The following HMCN1 variants were observed in gnomAD, a reference collection of about 807,000 sequenced individuals.
HMCN1 encodes the protein hemicentin-1.
HMCN1 carries 321 observed loss-of-function variants against 625.9 expected under a neutral mutation model. That is an observed-to-expected ratio of 0.51 (90% CI 0.47 to 0.56). The LOEUF (loss-of-function observed/expected upper bound fraction) is 0.56. Ranked by LOEUF, HMCN1 falls within the 20% of genes least tolerant of loss-of-function variation. The pLI is 0.00. For synonymous variants in HMCN1, 2,425 were observed against 2,417.6 expected, an observed-to-expected ratio of 1.00 and a Z score of -0.09; for missense variants, 6,588 against 6,887.3, an observed-to-expected ratio of 0.96 and a Z score of 1.54.
At chr1:186,016,263 G>T (rs1654362912) in intron 32 of HMCN1, 24 bp downstream of exon 32, 1 of 1,605,574 alleles carries the variant, frequency 6.2e-7, no homozygotes, top group South Asian at 1.1e-5. Flanking sequence ...CCACTGCCTG[G>T]GTTCTCAGAT....
chr1:185,798,185 T>C (rs946045957), intron 1 of HMCN1, among the ~76,000 whole-genome samples: 4 of 152,112 alleles, frequency 2.6e-5, no homozygotes, highest in African/African-American at 9.7e-5. Context: ...GAATGCAACA[T>C]TCATGGTGGA....
intron 14 of HMCN1, among the ~76,000 whole-genome samples, chr1:185,969,739 CCAGTACTATGTA>C (rs1310684239): frequency 3.9e-5 from 6 of 152,150 alleles, no homozygotes; most frequent in Admixed American, 6.6e-5. Context: ...CATTAAACAT[CCAGTACTATGTA>C]CAGTACTATG....
rs531412739 is a variant in HMCN1, at chr1:186,039,379, C to T, written c.6029-349C>T. Among the ~76,000 whole-genome samples the T allele has an allele frequency of 2.2e-4, 33 of 152,006 alleles. No homozygotes were observed. The South Asian group carries it at 6.8e-3, about 32-fold the overall frequency. On this transcript the variant is annotated intron_variant, in intron 38 of 106. Transcript: ENST00000271588. Reference sequence around the variant, plus strand: ...GGTAGTTAACATACTACAGTGGATGCAGTGAAGGGGGTACACACTTGTGTT... The same window carrying T: ...GGTAGTTAACATACTACAGTGGATGTAGTGAAGGGGGTACACACTTGTGTT...
chr1:186,019,830 T>G (rs1263733807), intron 35 of HMCN1, 135 bp downstream of exon 35: 2 of 652,756 alleles, frequency 3.1e-6, no homozygotes. Context: ...ATAATATGCA[T>G]TTTTCTTAGA....
In HMCN1 at chr1:185,982,341, A is replaced by G; in HGVS notation, c.2742A>G (p.Leu914=). 6.2e-7 allele frequency: 1 copy of G among 1,613,680 alleles called. No homozygotes were observed. Among genetic ancestry groups the G allele is most frequent in the Non-Finnish European group, 8.5e-7 (1 of 1,179,608 alleles). Residue 914 remains leucine, a synonymous_variant, in exon 18 of 107, where the codon TTA becomes TTG. Transcript: ENST00000271588. ...AGCTTACTTTGCCCTGTACTCTGTT[A>G]GCTGGAAATCCCATTCCAGAACGTC... ...GQQLTLPCTL[L]AGNPIPERRW... is the part of the protein sequence containing the mutation.
intron 19 of HMCN1, among the ~76,000 whole-genome samples, chr1:185,986,079 T>A (rs1386960494): frequency 6.6e-6 from 1 of 152,236 alleles, no homozygotes; most frequent in East Asian, 1.9e-4. Context: ...AGTTGAAAGA[T>A]GAATATTCCA....
intron 11 of HMCN1, among the ~76,000 whole-genome samples, chr1:185,958,559 C>T (rs527632307): frequency 7.2e-5 from 11 of 152,256 alleles, no homozygotes; most frequent in East Asian, 1.9e-4. Flanking sequence ...CTTTGTCACA[C>T]GTTGCTATAT....
chr1:185,822,939 G>A (rs979676390), intron 1 of HMCN1, among the ~76,000 whole-genome samples: 5 of 151,966 alleles, frequency 3.3e-5, no homozygotes, highest in Admixed American at 3.3e-4. Flanking sequence ...AACAAAATTA[G>A]CAAAATTTGA....
At chr1:185,758,163 A>C (rs1167145954) in intron 1 of HMCN1, among the ~76,000 whole-genome samples, 1 of 152,226 alleles carries the variant, frequency 6.6e-6, no homozygotes, top group Non-Finnish European at 1.5e-5. Flanking sequence ...TGTCTTCAAC[A>C]TGCCCATGCC....
At chr1:186,167,334 A>AT (rs1651941200) in intron 100 of HMCN1, among the ~76,000 whole-genome samples, 1 of 152,168 alleles carries the variant, frequency 6.6e-6, no homozygotes, top group African/African-American at 2.4e-5. Context: ...TTAATAGGCT[A>AT]TTTTTTAGAA....
At chr1:185,948,174 A>C (rs1412710255) in intron 11 of HMCN1, among the ~76,000 whole-genome samples, 2 of 152,212 alleles carry the variant, frequency 1.3e-5, no homozygotes, top group African/African-American at 2.4e-5. Flanking sequence ...TATACAACTC[A>C]ATAGAAATTA....
intron 103 of HMCN1, among the ~76,000 whole-genome samples, chr1:186,177,904 A>C (rs2102653579): frequency 6.6e-6 from 1 of 152,226 alleles, no homozygotes; most frequent in South Asian, 2.1e-4. Context: ...TTCCAGAGGA[A>C]GATACACAAA....
chr1:186,119,635 C>T, intron 78 of HMCN1, 110 bp from the exon 79 acceptor site: 1 of 1,118,858 alleles, frequency 8.9e-7, no homozygotes, highest in Non-Finnish European at 1.3e-6. Flanking sequence ...GCAATCAAAT[C>T]ACTAATATTT....
intron 1 of HMCN1, among the ~76,000 whole-genome samples, chr1:185,765,377 CAT>C (rs1007923457): frequency 1.3e-5 from 2 of 152,124 alleles, no homozygotes; most frequent in African/African-American, 4.8e-5. Flanking sequence ...CCAAATTAGA[CAT>C]ATACAAATAA....
intron 1 of HMCN1, among the ~76,000 whole-genome samples, chr1:185,783,486 T>A (rs1265075346): frequency 6.6e-6 from 1 of 152,154 alleles, no homozygotes; most frequent in African/African-American, 2.4e-5. Flanking sequence ...TTATCTACCT[T>A]TGGTCTTTGA....
chr1:186,106,893 A>G lies in HMCN1; in HGVS notation c.10780A>G (p.Thr3594Ala). ...TATTTGGGTTTTGTAGGTGGAGGAT[A>G]CAGGAAGATATACATGTCTGGCATC... Reference protein sequence around the residue: ...LRISTAQVEDTGRYTCLASSP... With the variant: ...LRISTAQVEDAGRYTCLASSP... Residue 3594 changes from threonine to alanine, a missense_variant, in exon 70 of 107, where the codon ACA becomes GCA. Around this residue, in one of 3 missense-constraint regions of HMCN1, gnomAD observed 4,628 missense variants for 4,853.1 expected, o/e 0.95. Transcript: ENST00000271588. 6.2e-7 allele frequency: 1 copy of G among 1,607,676 alleles called. No individual in the cohort carries two copies. Among genetic ancestry groups the G allele is most frequent in the Non-Finnish European group, 8.5e-7 (1 of 1,174,084 alleles).
intron 100 of HMCN1, among the ~76,000 whole-genome samples, chr1:186,168,216 G>C (rs772730480): frequency 6.7e-6 from 1 of 150,266 alleles, no homozygotes; most frequent in Non-Finnish European, 1.5e-5. Context: ...GGGCAAGAAA[G>C]GTAAAAAGGG....
At chr1:185,859,906 G>C (rs1662757276) in intron 2 of HMCN1, among the ~76,000 whole-genome samples, 2 of 151,938 alleles carry the variant, frequency 1.3e-5, no homozygotes, top group Admixed American at 1.3e-4. Flanking sequence ...CCTGAGCTCA[G>C]GCAGTCTGTG....
At chr1:186,022,176 G>A (rs1165747982) in intron 35 of HMCN1, among the ~76,000 whole-genome samples, 4 of 152,114 alleles carry the variant, frequency 2.6e-5, no homozygotes, top group African/African-American at 9.7e-5. Flanking sequence ...AGGAGAGACA[G>A]TGAGGCTATC....
Sources: allele counts gnomAD v4.1 joint callset (sites outside exome capture counted in the v4.1 genomes callset), GRCh38; gene constraint gnomAD v4.1.1; regional missense constraint gnomAD v4.1.1; transcripts MANE v1.5; gene names NCBI Gene and HGNC (gene_info 2026-07-23, HGNC 2026-07-21).